The following KLHL3 variants were observed in gnomAD, a reference collection of about 807,000 sequenced individuals.
KLHL3 encodes the protein kelch-like protein 3.
A neutral mutation model predicts 70.5 loss-of-function variants in KLHL3; 19 were observed. The ratio of observed to expected loss-of-function variants is 0.27; its 90% CI spans 0.19 to 0.40. The LOEUF (loss-of-function observed/expected upper bound fraction) is 0.40. KLHL3 is among the 10% of genes least tolerant of loss of function. The pLI is 1.00. For missense variants in KLHL3, 512 were observed against 771.1 expected (o/e 0.66, Z 3.98); for synonymous variants, 258 against 290.3 (o/e 0.89, Z 1.13).
intron 5 of KLHL3, among the ~76,000 whole-genome samples, chr5:137,684,058 G>A (rs1243547542): frequency 6.6e-6 from 1 of 152,178 alleles, no homozygotes; most frequent in African/African-American, 2.4e-5. Context: ...GGGTGGGTGG[G>A]AAATAAGTAG....
chr5:137,635,930 A>G (rs1248270843), intron 11 of KLHL3, among the ~76,000 whole-genome samples: 1 of 152,220 alleles, frequency 6.6e-6, no homozygotes, highest in East Asian at 1.9e-4. Context: ...ATCAGCTGAA[A>G]AAATATGCAC....
rs1020260692 is a variant in KLHL3 at position 137,619,965 on chromosome 5, C to A, written c.*2133G>T. ...ATTGAGAGCTTCTGTGAATGGCATA[C>A]ATCAGATCCCAACCCCAGCCTCATC... is the stretch of plus-strand genomic sequence containing the variant. On this transcript the variant is annotated 3_prime_UTR_variant, in exon 15 of 15. Coordinates refer to ENST00000309755, the MANE Select transcript of KLHL3 (RefSeq NM_017415.3). 6.6e-6 allele frequency: 1 copy of A among 152,198 alleles called. No homozygotes were observed. Among genetic ancestry groups the A allele is most frequent in the Non-Finnish European group, 1.5e-5 (1 of 68,058 alleles). The allele number at this position is 152,198 out of a possible 1,614,324, so 9.4% of individuals were successfully genotyped here. A position where few individuals can be genotyped will look rare whatever the true frequency, so the allele number is the denominator to read the frequency against.
intron 1 of KLHL3, among the ~76,000 whole-genome samples, chr5:137,734,185 C>T (rs1302588382): frequency 3.3e-5 from 5 of 152,172 alleles, no homozygotes; most frequent in Non-Finnish European, 4.4e-5. Context: ...ATAGGCATGG[C>T]CCAGAATCTC....
chr5:137,627,449 G>A (rs111657070), intron 13 of KLHL3, among the ~76,000 whole-genome samples: 9 of 143,330 alleles, frequency 6.3e-5, no homozygotes, highest in African/African-American at 1.5e-4. Flanking sequence ...AGCAGGCTTA[G>A]GCAATGAGTA....
intron 1 of KLHL3, among the ~76,000 whole-genome samples, chr5:137,729,547 G>C (rs1389467108): frequency 6.6e-6 from 1 of 152,148 alleles, no homozygotes; most frequent in Admixed American, 6.5e-5. Context: ...CCTTCAGAGA[G>C]GTAGAATGTG....
intron 1 of KLHL3, among the ~76,000 whole-genome samples, chr5:137,732,268 G>C (rs1415487374): frequency 6.6e-6 from 1 of 152,036 alleles, no homozygotes; most frequent in South Asian, 2.1e-4. Flanking sequence ...TCCTCTGACT[G>C]TTCAAGCCAC....
chr5:137,619,212 T>C lies in KLHL3; in HGVS notation c.*2886A>G, dbSNP rs1027988431. The C allele has an allele frequency of 7.2e-5, 11 of 152,620 alleles. No individual in the cohort carries two copies. The highest frequency in any genetic ancestry group is 1.6e-4 in the Non-Finnish European group (11 of 68,036). 9.5% of individuals were successfully genotyped at this position (152,620 alleles called of 1,614,324 possible). ...TCAAAGTAAGACAGCTCAAAAAGCA[T>C]CTTAGGGGATATTGCAACTGGCTTG... On this transcript the variant is annotated 3_prime_UTR_variant, in exon 15 of 15. Transcript: ENST00000309755.
chr5:137,730,782 T>G (rs564590774), intron 1 of KLHL3, among the ~76,000 whole-genome samples: 58 of 152,314 alleles, frequency 3.8e-4, no homozygotes, highest in African/African-American at 1.3e-3. Flanking sequence ...AGCTGAGCCC[T>G]TGTATGTGTG....
At chr5:137,664,707 G>C (rs927616520) in intron 6 of KLHL3, among the ~76,000 whole-genome samples, 1 of 151,862 alleles carries the variant, frequency 6.6e-6, no homozygotes, top group Non-Finnish European at 1.5e-5. Flanking sequence ...AGTCCCAGCT[G>C]CTTGAGAGGC....
chr5:137,725,312 A>T (rs1290934187), intron 1 of KLHL3, among the ~76,000 whole-genome samples: 1 of 152,152 alleles, frequency 6.6e-6, no homozygotes, highest in East Asian at 1.9e-4. Context: ...TTCCAGGCAG[A>T]CTCAGCCATG....
chr5:137,693,704 C>T (rs564117338), intron 4 of KLHL3, among the ~76,000 whole-genome samples: 1 of 152,280 alleles, frequency 6.6e-6, no homozygotes, highest in South Asian at 2.1e-4. Context: ...AAAATAATCC[C>T]CTTGCCCCAG....
At chr5:137,635,753 G>A (rs966103696) in intron 11 of KLHL3, among the ~76,000 whole-genome samples, 4 of 152,144 alleles carry the variant, frequency 2.6e-5, no homozygotes, top group African/African-American at 9.7e-5. Flanking sequence ...TTCAGGAAGG[G>A]CAGAAGAAAC....
intron 12 of KLHL3, among the ~76,000 whole-genome samples, chr5:137,631,069 CA>C (rs70979549): frequency 0.18 from 19,002 of 105,574 alleles, 1,401 homozygotes; most frequent in East Asian, 0.37. Flanking sequence ...TCCAAAAATA[CA>C]AAAAAAAAAA....
chr5:137,683,955 G>A (rs748622055), intron 5 of KLHL3, among the ~76,000 whole-genome samples: 2 of 152,160 alleles, frequency 1.3e-5, no homozygotes, highest in African/African-American at 2.4e-5. Flanking sequence ...GTGTCTGCAC[G>A]ACTGCCTCAT....
intron 5 of KLHL3, among the ~76,000 whole-genome samples, chr5:137,677,918 T>C (rs562362716): frequency 6.7e-4 from 102 of 152,300 alleles, no homozygotes; most frequent in Middle Eastern, 3.4e-3. Flanking sequence ...TGAGTTTGTA[T>C]TTTTTCCATG....
At chr5:137,675,970 T>C (rs1751874659) in intron 6 of KLHL3, among the ~76,000 whole-genome samples, 1 of 152,194 alleles carries the variant, frequency 6.6e-6, no homozygotes, top group Non-Finnish European at 1.5e-5. Context: ...TTGTGCCAAT[T>C]TGACAGCATA....
chr5:137,661,223 G>A (rs1374390871), intron 7 of KLHL3: 1 of 152,174 alleles, frequency 6.6e-6, no homozygotes, highest in Non-Finnish European at 1.5e-5. Context: ...GCCTCTCTAA[G>A]GCTAGTGACC....
intron 3 of KLHL3, among the ~76,000 whole-genome samples, chr5:137,709,429 G>A (rs1183746458): frequency 1.3e-5 from 2 of 152,230 alleles, no homozygotes; most frequent in Non-Finnish European, 2.9e-5. Context: ...GAGATCAGAA[G>A]ACCTGGCCAT....
intron 5 of KLHL3, among the ~76,000 whole-genome samples, chr5:137,678,495 G>A (rs1412553844): frequency 6.6e-6 from 1 of 152,140 alleles, no homozygotes; most frequent in Non-Finnish European, 1.5e-5. Context: ...TTATGATTAT[G>A]TTTTTGGGCC....
Sources: gnomAD v4.1 joint callset for allele counts (sites outside exome capture counted in the v4.1 genomes callset) on GRCh38, gnomAD v4.1.1 for gene constraint, MANE v1.5 for transcripts, NCBI Gene and HGNC (gene_info 2026-07-23, HGNC 2026-07-21) for gene names.